Variants in MSL2 observed in about 807,000 individuals in gnomAD.
The protein encoded by MSL2 is E3 ubiquitin-protein ligase MSL2.
In MSL2, 2 loss-of-function variants were observed where a neutral mutation model predicts 35.8. That is an observed-to-expected ratio of 0.06 (90% CI 0.02 to 0.18). The LOEUF is 0.18. MSL2 is among the 10% of genes least tolerant of loss of function. The probability of loss-of-function intolerance (pLI) is 1.00; values close to 1 mark genes in which losing one functional copy is unlikely to be tolerated. For synonymous variants in MSL2, 296 were observed against 255.7 expected (o/e 1.16, Z -1.50); for missense variants, 523 against 706.7 (o/e 0.74, Z 2.95).
At chr3:136,165,817 A>C (rs1403761415) in intron 1 of MSL2, among the ~76,000 whole-genome samples, 1 of 152,144 alleles carries the variant, frequency 6.6e-6, no homozygotes, top group Non-Finnish European at 1.5e-5. Context: ...CTAGTATTTG[A>C]TAGCATAACA....
At chr3:136,166,558 T>C (rs1443174956) in intron 1 of MSL2, among the ~76,000 whole-genome samples, 4 of 152,160 alleles carry the variant, frequency 2.6e-5, no homozygotes, top group African/African-American at 9.7e-5. Flanking sequence ...AATTACAGTA[T>C]TAACATGCCA....
intron 1 of MSL2, among the ~76,000 whole-genome samples, chr3:136,180,702 A>G (rs1940314219): frequency 6.8e-6 from 1 of 146,120 alleles, no homozygotes; most frequent in Non-Finnish European, 1.5e-5. Flanking sequence ...TCCGTCTCAG[A>G]AAAAAAAGAA....
At chr3:136,152,838 T>C in intron 1 of MSL2, 100 bp from the exon 2 acceptor site, 1 of 1,487,692 alleles carries the variant, frequency 6.7e-7, no homozygotes, top group Non-Finnish European at 8.9e-7. Flanking sequence ...AAAATTGAGA[T>C]GAATTAAACT....
intron 1 of MSL2, among the ~76,000 whole-genome samples, chr3:136,175,898 CTGTGCTAAGCCTGCCAT>C (rs1940159179): frequency 8.0e-6 from 1 of 125,256 alleles, no homozygotes; most frequent in African/African-American, 2.7e-5. Context: ...AAGCCTGCCA[CTGTGCTAAGCCTGCCAT>C]CACTTAGCAA....
chr3:136,189,488 G>A (rs1940622024), intron 1 of MSL2, among the ~76,000 whole-genome samples: 1 of 148,020 alleles, frequency 6.8e-6, no homozygotes, highest in Non-Finnish European at 1.5e-5. Context: ...ACTTTGGGAG[G>A]CGGAGTCGGG....
chr3:136,176,892 T>G, intron 1 of MSL2, among the ~76,000 whole-genome samples: 1 of 152,158 alleles, frequency 6.6e-6, no homozygotes, highest in East Asian at 1.9e-4. Context: ...GCCTCAGGTA[T>G]TCCTTAACAG....
chr3:136,185,703 A>G (rs1388072381), intron 1 of MSL2, among the ~76,000 whole-genome samples: 1 of 151,810 alleles, frequency 6.6e-6, no homozygotes, highest in African/African-American at 2.4e-5. Flanking sequence ...ACAGGGTTTC[A>G]CCATGTTGGC....
rs936973852 is a variant in MSL2, at chr3:136,150,357, T to C, written c.*790A>G. 6.6e-6 allele frequency: 1 copy of C among 152,484 alleles called. No homozygotes were observed. The highest frequency in any genetic ancestry group is 2.4e-5 in the African/African-American group (1 of 41,456). 9.4% of individuals were successfully genotyped at this position (152,484 alleles called of 1,614,324 possible). ...TAAATCCCAATTACTAAATAAAATC[T>C]TTTTATAATTTTAAAAAAATTCTGT... On this transcript the variant is annotated 3_prime_UTR_variant, in exon 2 of 2. Coordinates refer to ENST00000309993, the MANE Select transcript of MSL2 (RefSeq NM_018133.4).
intron 1 of MSL2, 148 bp downstream of exon 1, chr3:136,194,824 G>A (rs930092843): frequency 2.3e-6 from 3 of 1,286,660 alleles, no homozygotes; most frequent in Non-Finnish European, 3.2e-6. Context: ...AAGTCCCTCA[G>A]CAAGTTTCAA....
In MSL2 at chr3:136,151,631, T is replaced by C. The variant is rs1349657785; in HGVS notation, c.1250A>G (p.Lys417Arg). ...SMKKSHEHGS[K>R]KSHSKTKPGI... ...TGGCTTGGTTTTAGAGTGAGATTTC[T>C]TGGATCCATGTTCATGACTCTTTTT... is the stretch of plus-strand genomic sequence containing the variant. The change falls in exon 2 of 2, where the codon AAG (lysine) becomes AGG (arginine). Residue 417 changes from lysine to arginine, a missense_variant. Physicochemically the swap from Lys to Arg is conservative, Grantham distance 26. This residue lies in a region of MSL2 where 361 missense variants were observed against 414.6 expected (regional missense o/e 0.87). Transcript: ENST00000309993. The surrounding 1 kb of genome is among the most constrained non-coding windows in gnomAD (Gnocchi z 5.2). 1 of 1,614,102 alleles carries C rather than the reference T, an allele frequency of 6.2e-7. No individual in the cohort carries two copies. Among genetic ancestry groups the C allele is most frequent in the Non-Finnish European group, 8.5e-7 (1 of 1,180,046 alleles).
At position 136,170,032 on chromosome 3, in the gene MSL2, CAG is replaced by C. The variant is rs577538947; in HGVS notation, c.143-17296_143-17295del. Among the ~76,000 whole-genome samples, 135 of 149,884 alleles carry C rather than the reference CAG, an allele frequency of 9.0e-4. No homozygotes were observed. The East Asian group carries it at 0.026, about 29-fold the overall frequency. ...CGCCACTGCACTCCAGCCTGGGCGA[CAG>C]AGAGACTCCATTAAAAAAAAAAAAA... On this transcript the variant is annotated intron_variant, in intron 1 of 1. Coordinates refer to ENST00000309993, the MANE Select transcript of MSL2 (RefSeq NM_018133.4).
chr3:136,184,229 G>A (rs1186945183), intron 1 of MSL2, among the ~76,000 whole-genome samples: 7 of 152,102 alleles, frequency 4.6e-5, no homozygotes, highest in African/African-American at 1.2e-4. Flanking sequence ...CCGGGAGGCG[G>A]AGGGTGCAGT....
At chr3:136,161,157 T>C (rs777084592) in intron 1 of MSL2, among the ~76,000 whole-genome samples, 10 of 152,190 alleles carry the variant, frequency 6.6e-5, no homozygotes, top group Non-Finnish European at 1.3e-4. Context: ...AAAGTAAAAC[T>C]GTGGCACACT....
intron 1 of MSL2, among the ~76,000 whole-genome samples, chr3:136,187,223 T>C (rs1259522710): frequency 6.6e-6 from 1 of 152,180 alleles, no homozygotes; most frequent in Non-Finnish European, 1.5e-5. Flanking sequence ...ACGACAAAGA[T>C]AACACAATAC....
chr3:136,156,134 T>C (rs1456639753), intron 1 of MSL2: 1 of 181,324 alleles, frequency 5.5e-6, no homozygotes, highest in Non-Finnish European at 1.2e-5. Flanking sequence ...CATGTAATTC[T>C]ACCAAGGTCT....
chr3:136,153,771 T>C (rs774031129), intron 1 of MSL2, among the ~76,000 whole-genome samples: 28 of 140,782 alleles, frequency 2.0e-4, no homozygotes, highest in South Asian at 4.5e-4. Context: ...GCCTAAGCAA[T>C]AGAGCGAGAC....
intron 1 of MSL2, among the ~76,000 whole-genome samples, chr3:136,154,075 C>A (rs1939449662): frequency 6.8e-6 from 1 of 147,528 alleles, no homozygotes; most frequent in East Asian, 2.0e-4. Flanking sequence ...AAGAGCAAAA[C>A]TCCGTCTCAT....
chr3:136,159,356 T>TA (rs1467356616), intron 1 of MSL2, among the ~76,000 whole-genome samples: 48 of 104,276 alleles, frequency 4.6e-4, no homozygotes, highest in Non-Finnish European at 7.5e-4. Flanking sequence ...AGTACTTTCT[T>TA]TTTTTTTTTT....
chr3:136,153,616 CA>C (rs2108059560), intron 1 of MSL2, among the ~76,000 whole-genome samples: 1 of 146,442 alleles, frequency 6.8e-6, no homozygotes, highest in Non-Finnish European at 1.5e-5. Flanking sequence ...GGTAAAACCC[CA>C]TTTCTATTAA....
Sources: allele counts gnomAD v4.1 joint callset (sites outside exome capture counted in the v4.1 genomes callset), GRCh38; gene constraint gnomAD v4.1.1; regional missense constraint gnomAD v4.1.1; non-coding constraint Gnocchi (gnomAD v3.1); transcripts MANE v1.5; gene names NCBI Gene and HGNC (gene_info 2026-07-23, HGNC 2026-07-21).